CADPS: variants seen among roughly 807,000 people sequenced by gnomAD.
CADPS encodes calcium dependent secretion activator.
CADPS carries 57 observed loss-of-function variants against 167.3 expected under a neutral mutation model. The observed-to-expected ratio is 0.34, with a 90% CI of 0.28 to 0.42. The LOEUF (loss-of-function observed/expected upper bound fraction) is 0.42. Ranked by LOEUF, CADPS falls within the 20% of genes least tolerant of loss-of-function variation. The pLI is 1.00. For synonymous variants in CADPS, 676 were observed against 635.3 expected (o/e 1.06, Z -0.96); for missense variants, 1,414 against 1,738.1 (o/e 0.81, Z 3.32).
intron 1 of CADPS, among the ~76,000 whole-genome samples, chr3:62,802,427 C>A (rs1287134474): frequency 6.6e-6 from 1 of 152,176 alleles, no homozygotes; most frequent in Non-Finnish European, 1.5e-5. Flanking sequence ...AATCTCTAAA[C>A]AGCCTTCATA....
Position 62,399,604 on chromosome 3 carries a change from C to G in CADPS, c.3883-19G>C. The G allele has an allele frequency of 6.3e-7, 1 of 1,598,998 alleles. No homozygotes were observed. Among genetic ancestry groups the G allele is most frequent in the Non-Finnish European group, 8.6e-7 (1 of 1,167,908 alleles). On this transcript the variant is annotated intron_variant, in intron 29 of 29. Coordinates refer to ENST00000383710, the MANE Select transcript of CADPS (RefSeq NM_003716.4). The surrounding 1 kb of genome is among the most constrained non-coding windows in gnomAD (Gnocchi z 5.6). ...AGGTTTTCTAAGGAAGGAAAAGATA[C>G]AGTGATAAGAGAGATCTCATCTCCA...
intron 11 of CADPS, among the ~76,000 whole-genome samples, chr3:62,541,183 T>C (rs1434066552): frequency 1.3e-5 from 2 of 152,134 alleles, no homozygotes; most frequent in East Asian, 1.9e-4. Context: ...TAAGAACCAA[T>C]TTCAATCATC....
At chr3:62,780,068 T>A (rs1253453509) in intron 1 of CADPS, among the ~76,000 whole-genome samples, 4 of 151,450 alleles carry the variant, frequency 2.6e-5, no homozygotes, top group Non-Finnish European at 4.4e-5. Flanking sequence ...TTTCATAGGG[T>A]TTTTTTTTCT....
chr3:62,864,194 C>A (rs1051293491), intron 1 of CADPS, among the ~76,000 whole-genome samples: 1 of 152,198 alleles, frequency 6.6e-6, no homozygotes, highest in African/African-American at 2.4e-5. Context: ...CTGACCTGCA[C>A]CTGTCTGTGG....
At chr3:62,740,293 C>T (rs936770947) in intron 3 of CADPS, among the ~76,000 whole-genome samples, 1 of 152,314 alleles carries the variant, frequency 6.6e-6, no homozygotes, top group East Asian at 1.9e-4. Context: ...TGCACAAGCA[C>T]ATCTCAAGAC....
intron 3 of CADPS, among the ~76,000 whole-genome samples, chr3:62,731,845 A>AGAG: frequency 6.7e-6 from 1 of 148,292 alleles, no homozygotes; most frequent in South Asian, 2.1e-4. Context: ...AGAAGGAAGA[A>AGAG]AGGAAAGAAA....
intron 1 of CADPS, among the ~76,000 whole-genome samples, chr3:62,844,615 G>C: frequency 6.6e-6 from 1 of 152,284 alleles, no homozygotes. Flanking sequence ...TTTAAGCGTA[G>C]GTATCGGGGT....
At chr3:62,854,447 C>T (rs924394388) in intron 1 of CADPS, among the ~76,000 whole-genome samples, 23 of 152,262 alleles carry the variant, frequency 1.5e-4, no homozygotes, top group African/African-American at 5.5e-4. Flanking sequence ...TGAAGAAAGA[C>T]ACTCCTATTA....
chr3:62,689,608 A>C (rs554491827), intron 3 of CADPS, among the ~76,000 whole-genome samples: 6 of 152,196 alleles, frequency 3.9e-5, no homozygotes, highest in Non-Finnish European at 8.8e-5. Context: ...ATAAAAAATT[A>C]GATTGTATTT....
chr3:62,854,985 C>T (rs2079371663), intron 1 of CADPS, among the ~76,000 whole-genome samples: 1 of 152,020 alleles, frequency 6.6e-6, no homozygotes, highest in East Asian at 1.9e-4. Context: ...AGTACAGTGG[C>T]ATGATCTTGG....
chr3:62,533,153 A>T (rs1410902626), intron 12 of CADPS, 95 bp from the exon 13 acceptor site: 1 of 1,045,836 alleles, frequency 9.6e-7, no homozygotes, highest in Non-Finnish European at 1.4e-6. Context: ...GGGACTGAAA[A>T]ATAGCCAGAG....
chr3:62,505,177 C>T (rs1211063043), intron 17 of CADPS, among the ~76,000 whole-genome samples: 1 of 152,074 alleles, frequency 6.6e-6, no homozygotes, highest in East Asian at 1.9e-4. Context: ...CTACATAGGC[C>T]AAAAACATGC....
intron 1 of CADPS, among the ~76,000 whole-genome samples, chr3:62,822,388 G>A (rs2073143289): frequency 6.6e-6 from 1 of 152,208 alleles, no homozygotes; most frequent in Non-Finnish European, 1.5e-5. Flanking sequence ...ATAAATGCAT[G>A]TTATTCACAG....
intron 3 of CADPS, among the ~76,000 whole-genome samples, chr3:62,684,516 G>A (rs1350289128): frequency 1.3e-5 from 2 of 152,022 alleles, no homozygotes; most frequent in African/African-American, 4.8e-5. Flanking sequence ...CACTGTTACT[G>A]GGGAAAGAAA....
At chr3:62,775,333 A>T (rs374373068) in intron 1 of CADPS, among the ~76,000 whole-genome samples, 8 of 152,118 alleles carry the variant, frequency 5.3e-5, no homozygotes, top group African/African-American at 1.9e-4. Context: ...GATTACAGGC[A>T]TTAGCCACTG....
At chr3:62,725,129 A>G (rs2076501272) in intron 3 of CADPS, among the ~76,000 whole-genome samples, 1 of 151,918 alleles carries the variant, frequency 6.6e-6, no homozygotes, top group African/African-American at 2.4e-5. Flanking sequence ...TCAAAACCCA[A>G]CCTCAACTTC....
chr3:62,584,908 A>C (rs771253396), intron 8 of CADPS, among the ~76,000 whole-genome samples: 1 of 152,184 alleles, frequency 6.6e-6, no homozygotes, highest in Non-Finnish European at 1.5e-5. Flanking sequence ...TCCAAACTAG[A>C]ATCACCTAGC....
intron 1 of CADPS, among the ~76,000 whole-genome samples, chr3:62,778,825 T>G (rs2090953971): frequency 6.6e-6 from 1 of 152,246 alleles, no homozygotes; most frequent in Admixed American, 6.5e-5. Flanking sequence ...AGGTATTTCC[T>G]ATTCTCTTTA....
At chr3:62,742,607 C>A (rs1034870153) in intron 3 of CADPS, among the ~76,000 whole-genome samples, 2 of 152,146 alleles carry the variant, frequency 1.3e-5, no homozygotes, top group Non-Finnish European at 2.9e-5. Context: ...CTTCCTTACA[C>A]CATACACAAA....
Sources: gnomAD v4.1 joint callset for allele counts (sites outside exome capture counted in the v4.1 genomes callset) on GRCh38, gnomAD v4.1.1 for gene constraint, Gnocchi (gnomAD v3.1) non-coding constraint, MANE v1.5 for transcripts, NCBI Gene and HGNC (gene_info 2026-07-23, HGNC 2026-07-21) for gene names.